Variants in CNTN3 observed in about 807,000 individuals in gnomAD.
CNTN3 encodes contactin 3.
Under a neutral mutation model 119.1 loss-of-function variants are expected in CNTN3, and 60 were observed. The ratio of observed to expected loss-of-function variants is 0.50; its 90% CI spans 0.41 to 0.62. CNTN3 has a LOEUF of 0.62. Ranked by LOEUF, CNTN3 falls within the 20% of genes least tolerant of loss-of-function variation. The probability of loss-of-function intolerance (pLI) is 0.00; values close to 1 mark genes in which losing one functional copy is unlikely to be tolerated. For missense variants in CNTN3, 1,101 were observed against 1,242.4 expected, an observed-to-expected ratio of 0.89 and a Z score of 1.71; for synonymous variants, 450 against 438.7, an observed-to-expected ratio of 1.03 and a Z score of -0.32.
rs143648197 is a variant in CNTN3 at position 74,440,753 on chromosome 3, T to C, written c.359-15813A>G. ...GTGCCATGGTGGTTTGCTGCCCCTA[T>C]CAACCCGTCATCTAGGTTTTAAGCC... On this transcript the variant is annotated intron_variant, in intron 4 of 22. Coordinates refer to ENST00000263665, the MANE Select transcript of CNTN3 (RefSeq NM_020872.3). Among the ~76,000 whole-genome samples the C allele has an allele frequency of 9.1e-3, 1,393 of 152,288 alleles. 18 individuals carry two copies. Among genetic ancestry groups the C allele is most frequent in the African/African-American group, 0.031 (1,306 of 41,552 alleles).
At chr3:74,583,091 A>G (rs1321093814) in intron 1 of CNTN3, among the ~76,000 whole-genome samples, 1 of 152,078 alleles carries the variant, frequency 6.6e-6, no homozygotes, top group Non-Finnish European at 1.5e-5. Context: ...ATTTCGAGTA[A>G]TTCTAACAGG....
At chr3:74,580,456 T>G (rs911096861) in intron 1 of CNTN3, among the ~76,000 whole-genome samples, 1 of 152,218 alleles carries the variant, frequency 6.6e-6, no homozygotes, top group Non-Finnish European at 1.5e-5. Flanking sequence ...CAATATTTTT[T>G]CAAGAAAAAA....
intron 18 of CNTN3, 66 bp downstream of exon 18, chr3:74,297,891 A>C (rs926612472): frequency 3.9e-6 from 5 of 1,268,120 alleles, no homozygotes; most frequent in South Asian, 2.7e-5. Flanking sequence ...CGAGACTCCA[A>C]ATCAGTTTTT....
chr3:74,379,540 C>T (rs1704565259), intron 5 of CNTN3, among the ~76,000 whole-genome samples: 1 of 152,124 alleles, frequency 6.6e-6, no homozygotes, highest in African/African-American at 2.4e-5. Flanking sequence ...ACCTTCATAT[C>T]TGTAAATGCA....
chr3:74,437,113 A>G (rs1030275243), intron 4 of CNTN3, among the ~76,000 whole-genome samples: 1 of 152,192 alleles, frequency 6.6e-6, no homozygotes, highest in South Asian at 2.1e-4. Context: ...TGTACTTAGC[A>G]AAAAGTAAAA....
intron 11 of CNTN3, among the ~76,000 whole-genome samples, chr3:74,360,257 T>C (rs775975350): frequency 4.6e-5 from 7 of 152,196 alleles, no homozygotes; most frequent in Non-Finnish European, 8.8e-5. Context: ...TAAGGTTTTA[T>C]TGTTTGTTTG....
intron 1 of CNTN3, among the ~76,000 whole-genome samples, chr3:74,550,992 G>A (rs969165909): frequency 1.7e-4 from 26 of 152,226 alleles, no homozygotes; most frequent in Admixed American, 6.5e-4. Flanking sequence ...GTCCAATGTC[G>A]AGTCCCCAAT....
intron 11 of CNTN3, 125 bp downstream of exon 11, chr3:74,361,765 G>A: frequency 1.0e-6 from 1 of 985,122 alleles, no homozygotes; most frequent in South Asian, 2.4e-5. Flanking sequence ...TACTATTTTA[G>A]TTCTTAAAGA....
chr3:74,306,060 T>G (rs994642663), intron 13 of CNTN3, among the ~76,000 whole-genome samples: 1 of 151,880 alleles, frequency 6.6e-6, no homozygotes, highest in East Asian at 1.9e-4. Context: ...TGCAATTGAG[T>G]ATTCCCAGGC....
At chr3:74,513,454 T>C (rs1703402430) in intron 2 of CNTN3, among the ~76,000 whole-genome samples, 1 of 152,070 alleles carries the variant, frequency 6.6e-6, no homozygotes, top group African/African-American at 2.4e-5. Context: ...ATTTATAAAA[T>C]GGCAGCCTAC....
intron 2 of CNTN3, among the ~76,000 whole-genome samples, chr3:74,500,387 A>AT (rs1287591644): frequency 5.9e-5 from 9 of 152,004 alleles, no homozygotes; most frequent in Non-Finnish European, 1.3e-4. Flanking sequence ...AGAAAAAAAA[A>AT]CAAATCTCTC....
At chr3:74,528,020 G>C (rs192028561) in intron 1 of CNTN3, among the ~76,000 whole-genome samples, 1 of 151,902 alleles carries the variant, frequency 6.6e-6, no homozygotes, top group African/African-American at 2.4e-5. Context: ...ACACATAAAA[G>C]GAACTTAGAC....
intron 1 of CNTN3, among the ~76,000 whole-genome samples, chr3:74,556,467 T>C (rs181639747): frequency 1.0e-3 from 152 of 152,322 alleles, no homozygotes; most frequent in African/African-American, 3.4e-3. Flanking sequence ...TCATGAAATG[T>C]TAGTAAATTT....
intron 11 of CNTN3, among the ~76,000 whole-genome samples, chr3:74,347,185 G>A (rs1482346495): frequency 1.3e-5 from 2 of 152,162 alleles, no homozygotes; most frequent in Non-Finnish European, 2.9e-5. Flanking sequence ...TATGTCATAA[G>A]CATGAATTCA....
chr3:74,492,780 T>C (rs1575779526), intron 3 of CNTN3, among the ~76,000 whole-genome samples: 1 of 152,168 alleles, frequency 6.6e-6, no homozygotes. Context: ...TGTGTGTATG[T>C]GTGTGCCTGT....
chr3:74,452,082 T>C (rs1702169080), intron 4 of CNTN3, among the ~76,000 whole-genome samples: 1 of 147,548 alleles, frequency 6.8e-6, no homozygotes, highest in South Asian at 2.2e-4. Context: ...GGGGATGGCA[T>C]TGAATCTATA....
chr3:74,457,656 T>C (rs1254838896), intron 4 of CNTN3, among the ~76,000 whole-genome samples: 2 of 151,996 alleles, frequency 1.3e-5, no homozygotes, highest in East Asian at 3.9e-4. Flanking sequence ...GCCACATGCA[T>C]ACTCACTATT....
intron 2 of CNTN3, among the ~76,000 whole-genome samples, chr3:74,513,081 G>T (rs112837316): frequency 0.13 from 19,073 of 152,028 alleles, 1,557 homozygotes; most frequent in Non-Finnish European, 0.17. Context: ...TAAGGCTAAC[G>T]TAAAAACACA....
chr3:74,577,323 T>A (rs992113589), intron 1 of CNTN3, among the ~76,000 whole-genome samples: 1 of 152,206 alleles, frequency 6.6e-6, no homozygotes, highest in Non-Finnish European at 1.5e-5. Context: ...GGAAGTATGA[T>A]TTCTAACTGC....
Sources: gnomAD v4.1 joint callset for allele counts (sites outside exome capture counted in the v4.1 genomes callset) on GRCh38, gnomAD v4.1.1 for gene constraint, MANE v1.5 for transcripts, NCBI Gene and HGNC (gene_info 2026-07-23, HGNC 2026-07-21) for gene names.